LIPA: variants seen among roughly 807,000 people sequenced by gnomAD.
LIPA encodes lipase A, lysosomal acid type.
LIPA carries 26 observed loss-of-function variants against 40.6 expected under a neutral mutation model. That is an observed-to-expected ratio of 0.64 (90% CI 0.47 to 0.89). The LOEUF is 0.89. Ranked by LOEUF, LIPA falls within the 40% of genes least tolerant of loss-of-function variation. The probability of loss-of-function intolerance (pLI) is 0.00; values close to 1 mark genes in which losing one functional copy is unlikely to be tolerated. For synonymous variants in LIPA, 188 were observed against 168.4 expected (o/e 1.12, Z -0.90); for missense variants, 455 against 479.6 (o/e 0.95, Z 0.48).
In LIPA at chr10:89,214,987, A is replaced by C; in HGVS notation, c.1041T>G (p.Leu347=). The change falls in exon 10 of 10, where the codon CTT becomes CTG. Residue 347 remains leucine (L), a synonymous_variant. Transcript: ENST00000336233. ...AGATATTGACGTCGTAGACATCTGC[A>C]AGCCAGTCGTGACCCCCGCTCCAGA... The part of the protein sequence containing the change: ...TAVWSGGHDW[L]ADVYDVNILL... 6.2e-7 allele frequency: 1 copy of C among 1,614,180 alleles called. No individual in the cohort carries two copies. Among genetic ancestry groups the C allele is most frequent in the Non-Finnish European group, 8.5e-7 (1 of 1,180,000 alleles).
chr10:89,240,515 C>T (rs1842952838), intron 3 of LIPA, among the ~76,000 whole-genome samples: 1 of 152,188 alleles, frequency 6.6e-6, no homozygotes, highest in South Asian at 2.1e-4. Flanking sequence ...CCTGCACTTA[C>T]TATACTGCAT....
At chr10:89,242,114 C>T (rs1263843158) in intron 3 of LIPA, among the ~76,000 whole-genome samples, 1 of 152,178 alleles carries the variant, frequency 6.6e-6, no homozygotes, top group Non-Finnish European at 1.5e-5. Flanking sequence ...CCCTCCAGTG[C>T]TAACTCCCCA....
rs867070089 is a variant in LIPA at position 89,285,519 on chromosome 10, T to C, written c.-1-37870A>G. 8.0e-4 allele frequency among the ~76,000 whole-genome samples: 122 copies of C among 152,298 alleles called. No homozygotes were observed. In the Middle Eastern group the frequency reaches 0.014, roughly 17 times the overall value. ...GCCTGCCTGATTATTCACCCACATT[T>C]CATTGGTGTCTGATCACCGTGGGGA... On this transcript the variant is annotated intron_variant, in intron 1 of 5. Coordinates refer to the LIPA transcript ENST00000282673.
intron 1 of LIPA, among the ~76,000 whole-genome samples, chr10:89,333,061 A>G (rs966496767): frequency 6.6e-6 from 1 of 152,244 alleles, no homozygotes; most frequent in Admixed American, 6.5e-5. Context: ...ATGTGTCAAT[A>G]ATTAATTCAG....
intron 2 of LIPA, chr10:89,362,616 G>A: frequency 2.8e-6 from 1 of 363,368 alleles, no homozygotes; most frequent in South Asian, 6.7e-5. Context: ...ATTTGCCTGG[G>A]CGTATCACCA....
chr10:89,348,863 T>G (rs1239405568), intron 2 of LIPA, among the ~76,000 whole-genome samples: 1 of 152,180 alleles, frequency 6.6e-6, no homozygotes, highest in Non-Finnish European at 1.5e-5. Flanking sequence ...ATGTCCAGAA[T>G]GAAATCCTGA....
rs146208290 is a variant in LIPA at position 89,327,024 on chromosome 10, C to A, written c.-2+15587G>T. ...GGTGGGACAATTGGAAACAGGGAAG[C>A]GGGGCAGCTTCCAAGTCATAGGCAG... is the stretch of plus-strand genomic sequence containing the variant. On this transcript the variant is annotated intron_variant, in intron 1 of 5. Transcript: ENST00000282673. Among the ~76,000 whole-genome samples the A allele has an allele frequency of 3.3e-3, 504 of 152,142 alleles. 3 individuals are homozygous for A. The highest frequency in any genetic ancestry group is 0.012 in the African/African-American group (482 of 41,550).
intron 2 of LIPA, among the ~76,000 whole-genome samples, chr10:89,361,784 T>C (rs1422206047): frequency 1.3e-5 from 2 of 149,134 alleles, no homozygotes; most frequent in Non-Finnish European, 2.9e-5. Flanking sequence ...CAATATGGAA[T>C]GACGTTGACA....
chr10:89,268,162 G>A (rs1403057755), intron 1 of LIPA, among the ~76,000 whole-genome samples: 1 of 152,202 alleles, frequency 6.6e-6, no homozygotes, highest in Non-Finnish European at 1.5e-5. Flanking sequence ...AGGAGGTCCA[G>A]GATTGTAGTT....
intron 1 of LIPA, among the ~76,000 whole-genome samples, chr10:89,267,370 G>A (rs1843241734): frequency 6.6e-6 from 1 of 152,134 alleles, no homozygotes; most frequent in Non-Finnish European, 1.5e-5. Flanking sequence ...AAGCTTCCCT[G>A]AAAGGAAAAT....
chr10:89,248,635 C>T (rs1843070372), intron 1 of LIPA, among the ~76,000 whole-genome samples: 1 of 148,944 alleles, frequency 6.7e-6, no homozygotes, highest in Admixed American at 6.7e-5. Context: ...CCACCACGCC[C>T]GGCAAATTTT....
At position 89,353,465 on chromosome 10, in the gene LIPA, G is replaced by A. The variant is rs546972814; in HGVS notation, c.61+59326C>T. On this transcript the variant is annotated intron_variant, in intron 2 of 8. Coordinates refer to the LIPA transcript ENST00000371837. ...CAGCCCAACCCAAGGGAAGAAACAG[G>A]GGAGAAATAACGAAAGACCCCAGAA... Among the ~76,000 whole-genome samples, 131 of 152,252 alleles carry A rather than the reference G, an allele frequency of 8.6e-4. 1 individual carries two copies. The highest frequency in any genetic ancestry group is 3.1e-3 in the African/African-American group (128 of 41,534).
rs371756111 is a variant in LIPA, at chr10:89,305,483, G to A, written c.-2+37128C>T. On this transcript the variant is annotated intron_variant, in intron 1 of 5. Coordinates refer to the LIPA transcript ENST00000282673. ...CAAAGATAAAATGAAGCTGCATTTC[G>A]GAGGGATGAGAAATTAAAATCACCA... Among the ~76,000 whole-genome samples, 17 of 152,164 alleles carry A rather than the reference G, an allele frequency of 1.1e-4. No individual in the cohort carries two copies. In the South Asian group the frequency reaches 1.2e-3, roughly 11 times the overall value.
chr10:89,343,429 G>A (rs1348099530), upstream of LIPA, among the ~76,000 whole-genome samples: 1 of 152,136 alleles, frequency 6.6e-6, no homozygotes, highest in Non-Finnish European at 1.5e-5. Flanking sequence ...ACCTTCCTAA[G>A]TTTTATGGCT....
chr10:89,215,120 T>G, intron 9 of LIPA, 59 bp from the exon 10 acceptor site: 8 of 1,253,020 alleles, frequency 6.4e-6, no homozygotes, highest in Non-Finnish European at 9.4e-6. Context: ...ATTTTCAAAA[T>G]CACAATAAGC....
upstream of LIPA, among the ~76,000 whole-genome samples, chr10:89,347,356 G>A (rs956474749): frequency 6.6e-6 from 1 of 152,178 alleles, no homozygotes; most frequent in Non-Finnish European, 1.5e-5. Flanking sequence ...TCCAGACTTC[G>A]AGAAGGAAAG....
chr10:89,379,074 G>A (rs1216846387), intron 2 of LIPA, among the ~76,000 whole-genome samples: 1 of 152,156 alleles, frequency 6.6e-6, no homozygotes, highest in Non-Finnish European at 1.5e-5. Context: ...TTGATAAATT[G>A]GTTAAATTCA....
At position 89,402,809 on chromosome 10, in the gene LIPA, C is replaced by G. The variant is rs554970189; in HGVS notation, c.61+9982G>C. 2.5e-6 allele frequency: 4 copies of G among 1,614,166 alleles called. No homozygotes were observed. In the East Asian group the frequency reaches 8.9e-5, roughly 36 times the overall value. ...TGGACCCTGAAAACCCTGAATCCAG[C>G]GCTGGGTATGCGATCTCTGCCTATC... On this transcript the variant is annotated intron_variant, in intron 2 of 8. Coordinates refer to the LIPA transcript ENST00000371837.
intron 2 of LIPA, among the ~76,000 whole-genome samples, chr10:89,409,699 G>A (rs1031554206): frequency 6.6e-6 from 1 of 152,194 alleles, no homozygotes. Context: ...CTGGACAGCT[G>A]TCCTCAAGTT....
Sources: allele counts gnomAD v4.1 joint callset (sites outside exome capture counted in the v4.1 genomes callset), GRCh38; gene constraint gnomAD v4.1.1; transcripts MANE v1.5; gene names NCBI Gene and HGNC (gene_info 2026-07-23, HGNC 2026-07-21).